The following RAPGEF2 variants were observed in gnomAD, a reference collection of about 807,000 sequenced individuals.
RAPGEF2 encodes the protein PDZ domain containing guanine nucleotide exchange factor (GEF) 1.
In RAPGEF2, 54 loss-of-function variants were observed where a neutral mutation model predicts 186.7. The ratio of observed to expected loss-of-function variants is 0.29; its 90% confidence interval spans 0.23 to 0.36. RAPGEF2 has a LOEUF of 0.36. Ranked by LOEUF, RAPGEF2 falls within the 10% of genes least tolerant of loss-of-function variation. RAPGEF2 has a pLI of 1.00. For missense variants in RAPGEF2, 1,532 were observed against 2,045.0 expected (o/e 0.75, Z 4.84); for synonymous variants, 712 against 705.9 (o/e 1.01, Z -0.14).
intron 8 of RAPGEF2, among the ~76,000 whole-genome samples, chr4:159,306,117 T>C (rs1400127220): frequency 6.6e-6 from 1 of 151,604 alleles, no homozygotes; most frequent in Non-Finnish European, 1.5e-5. Context: ...TCAGGCTCTT[T>C]TGTGATTACG....
chr4:159,285,766 A>G (rs1482243790), intron 7 of RAPGEF2, among the ~76,000 whole-genome samples: 5 of 152,184 alleles, frequency 3.3e-5, no homozygotes, highest in Non-Finnish European at 7.4e-5. Flanking sequence ...GTCTCATCAC[A>G]GTACGGATCA....
chr4:159,313,286 G>A (rs1220046149), intron 8 of RAPGEF2, among the ~76,000 whole-genome samples: 1 of 152,192 alleles, frequency 6.6e-6, no homozygotes, highest in East Asian at 1.9e-4. Flanking sequence ...ATTAGATTGC[G>A]ATTAAGACTC....
intron 1 of RAPGEF2, among the ~76,000 whole-genome samples, chr4:159,105,912 A>T (rs952550373): frequency 6.6e-6 from 1 of 152,204 alleles, no homozygotes; most frequent in Non-Finnish European, 1.5e-5. Flanking sequence ...GAGAAGGGGG[A>T]AGTGGTGCAT....
At chr4:159,351,021 A>C (rs757679027) in intron 26 of RAPGEF2, 1 of 1,505,558 alleles carries the variant, frequency 6.6e-7, no homozygotes, top group African/African-American at 1.4e-5. Flanking sequence ...TCCTTGTTAC[A>C]TGGATGCATC....
chr4:159,349,948 G>A (rs907532044), intron 25 of RAPGEF2, among the ~76,000 whole-genome samples, 189 bp from the exon 26 acceptor site: 3 of 152,120 alleles, frequency 2.0e-5, no homozygotes, highest in African/African-American at 7.2e-5. Context: ...CAAACTACGG[G>A]TATCTCATGA....
intron 29 of RAPGEF2, among the ~76,000 whole-genome samples, chr4:159,356,932 A>G (rs1195925130): frequency 1.3e-5 from 2 of 152,166 alleles, no homozygotes; most frequent in Non-Finnish European, 2.9e-5. Context: ...AAATTTCACA[A>G]GTTTGTGCTG....
chr4:159,162,413 T>C (rs1386240980), intron 1 of RAPGEF2, among the ~76,000 whole-genome samples: 1 of 147,920 alleles, frequency 6.8e-6, no homozygotes, highest in Admixed American at 6.8e-5. Context: ...AAAAAAAAGG[T>C]CTGGGAATCT....
In RAPGEF2 at chr4:159,104,070, G is replaced by A. The variant is rs865865990; in HGVS notation, c.-93G>A. On this transcript the variant is annotated 5_prime_UTR_variant, in exon 1 of 30. Transcript: ENST00000691494. ...CTGATTAGTCGCGGGCGGGCGGGCG[G>A]GCGCAGCGCGCAGGGCGGAGGCAGC... 1.8e-4 allele frequency: 130 copies of A among 712,216 alleles called. No individual in the cohort carries two copies. In the Middle Eastern group the frequency reaches 3.4e-3, roughly 18 times the overall value. The allele number at this position is 712,216 out of a possible 1,614,324, so 44.1% of individuals were successfully genotyped here. A position where few individuals can be genotyped will look rare whatever the true frequency, so the allele number is the denominator to read the frequency against.
chr4:159,265,184 C>T lies in RAPGEF2; in HGVS notation c.543+21393C>T, dbSNP rs1269057111. Among the ~76,000 whole-genome samples, 3 of 152,144 alleles carry T rather than the reference C, an allele frequency of 2.0e-5. No individual in the cohort carries two copies. In the East Asian group the frequency reaches 5.8e-4, roughly 29 times the overall value. On this transcript the variant is annotated intron_variant, in intron 7 of 29. Transcript: ENST00000691494. ...ACTCACTCAACAAGAACGTGAGTGC[C>T]TACAGTGCTTGGTGCGGTGAACACA...
chr4:159,111,991 C>G (rs1406809689), intron 1 of RAPGEF2, among the ~76,000 whole-genome samples: 7 of 152,178 alleles, frequency 4.6e-5, no homozygotes, highest in African/African-American at 1.7e-4. Flanking sequence ...CAGTCACTCC[C>G]CCACCCCACC....
rs116347319 is a variant in RAPGEF2, at chr4:159,216,489, G to A, written c.281+5906G>A. ...AATGTGGACATGATAAAGAACATGA[G>A]TGATGGCACAGAGATAGGATTCAGC... On this transcript the variant is annotated intron_variant, in intron 4 of 29. Transcript: ENST00000691494. Among the ~76,000 whole-genome samples the A allele has an allele frequency of 9.0e-3, 1,368 of 152,206 alleles. 18 individuals carry two copies. The highest frequency in any genetic ancestry group is 0.031 in the African/African-American group (1,297 of 41,512).
intron 7 of RAPGEF2, among the ~76,000 whole-genome samples, chr4:159,255,193 T>C (rs1756004220): frequency 6.6e-6 from 1 of 152,090 alleles, no homozygotes; most frequent in Admixed American, 6.5e-5. Context: ...CCCATGATGT[T>C]TGTACAAAGA....
intron 12 of RAPGEF2, 148 bp from the exon 13 acceptor site, chr4:159,330,186 A>C: frequency 1.3e-6 from 1 of 799,734 alleles, no homozygotes; most frequent in Non-Finnish European, 1.9e-6. Context: ...TAACTGTGTT[A>C]CTATCCAATT....
intron 1 of RAPGEF2, among the ~76,000 whole-genome samples, chr4:159,164,342 G>A (rs1451028439): frequency 6.6e-6 from 1 of 151,620 alleles, no homozygotes; most frequent in Non-Finnish European, 1.5e-5. Context: ...TTATTAAACG[G>A]GAGAGACAGG....
chr4:159,104,493 A>AGAGC (rs1345657979), intron 1 of RAPGEF2, among the ~76,000 whole-genome samples: 1 of 75,090 alleles, frequency 1.3e-5, no homozygotes, highest in Admixed American at 1.5e-4. Context: ...CCCAGCCGAG[A>AGAGC]GAGAGAGAGA....
intron 17 of RAPGEF2, among the ~76,000 whole-genome samples, chr4:159,336,089 A>G (rs1767378082): frequency 6.6e-6 from 1 of 152,214 alleles, no homozygotes; most frequent in Non-Finnish European, 1.5e-5. Context: ...TTATATGATT[A>G]AATAGAAATT....
chr4:159,331,384 T>C (rs1408230295), intron 13 of RAPGEF2, 47 bp from the exon 14 acceptor site: 8 of 1,167,454 alleles, frequency 6.9e-6, no homozygotes, highest in Middle Eastern at 2.0e-4. Context: ...TTTAATCACA[T>C]TTTTGGCACT....
At chr4:159,335,649 C>A in intron 17 of RAPGEF2, among the ~76,000 whole-genome samples, 1 of 151,782 alleles carries the variant, frequency 6.6e-6, no homozygotes, top group Non-Finnish European at 1.5e-5. Flanking sequence ...AGATCGAGAC[C>A]ACGGTGAAAC....
chr4:159,128,921 GGTGTGTGTGT>G (rs59631017), intron 1 of RAPGEF2: 1 of 113,126 alleles, frequency 8.8e-6, no homozygotes, highest in African/African-American at 3.4e-5. Context: ...ACATATGGGG[GGTGTGTGTGT>G]GTGTGTGTGT....
Sources: gnomAD v4.1 joint callset for allele counts (sites outside exome capture counted in the v4.1 genomes callset) on GRCh38, gnomAD v4.1.1 for gene constraint, MANE v1.5 for transcripts, NCBI Gene and HGNC (gene_info 2026-07-23, HGNC 2026-07-21) for gene names.